The following SLC25A21 variants were observed in gnomAD, a reference collection of about 807,000 sequenced individuals.
SLC25A21 encodes the protein solute carrier family 25 member 21.
In SLC25A21, 47 loss-of-function variants were observed where a neutral mutation model predicts 43.8. The ratio of observed to expected loss-of-function variants is 1.07; its 90% CI spans 0.85 to 1.37. The LOEUF (loss-of-function observed/expected upper bound fraction) is 1.37, where lower values mean the gene tolerates loss of function less well. SLC25A21 is among the 40% of genes most tolerant of loss of function. The pLI is 0.00. For synonymous variants in SLC25A21, 131 were observed against 121.3 expected, an observed-to-expected ratio of 1.08 and a Z score of -0.52; for missense variants, 352 against 350.2, an observed-to-expected ratio of 1.00 and a Z score of -0.04.
At chr14:36,982,444 C>A (rs1346068041) in intron 1 of SLC25A21, among the ~76,000 whole-genome samples, 1 of 152,040 alleles carries the variant, frequency 6.6e-6, no homozygotes, top group East Asian at 1.9e-4. Context: ...GAACAAAGAA[C>A]AAAATTTTAA....
chr14:36,679,719 A>G lies in SLC25A21; in HGVS notation c.*939T>C. Reference sequence around the variant, plus strand: ...ACCTGAAAATGCAGTTCTGTTCTATACATTCTTCCTAAAAATGGCACAGGT... The same window carrying G: ...ACCTGAAAATGCAGTTCTGTTCTATGCATTCTTCCTAAAAATGGCACAGGT... On this transcript the variant is annotated 3_prime_UTR_variant, in exon 10 of 10. Transcript: ENST00000331299. 1.0e-6 allele frequency: 1 copy of G among 985,442 alleles called. No homozygotes were observed. Among genetic ancestry groups the G allele is most frequent in the Non-Finnish European group, 1.2e-6 (1 of 829,920 alleles). The allele number at this position is 985,442 out of a possible 1,614,324, so 61.0% of individuals were successfully genotyped here. A position where few individuals can be genotyped will look rare whatever the true frequency, so the allele number is the denominator to read the frequency against.
chr14:36,926,358 C>CA (rs1293486054), intron 1 of SLC25A21, among the ~76,000 whole-genome samples: 1 of 151,600 alleles, frequency 6.6e-6, no homozygotes. Context: ...TTGGACTAGG[C>CA]AACAATTCTT....
intron 1 of SLC25A21, among the ~76,000 whole-genome samples, chr14:37,022,050 T>C (rs974216447): frequency 1.4e-5 from 2 of 145,750 alleles, no homozygotes; most frequent in African/African-American, 2.5e-5. Flanking sequence ...AGCTGCTTCA[T>C]AGGGATTTTT....
At chr14:37,007,088 TAG>T (rs1301327730) in intron 1 of SLC25A21, among the ~76,000 whole-genome samples, 4 of 152,232 alleles carry the variant, frequency 2.6e-5, no homozygotes, top group Non-Finnish European at 5.9e-5. Context: ...GGATAGATGA[TAG>T]AGACACAGCA....
At chr14:37,072,375 A>G (rs913545757) in intron 1 of SLC25A21, among the ~76,000 whole-genome samples, 1 of 152,190 alleles carries the variant, frequency 6.6e-6, no homozygotes, top group African/African-American at 2.4e-5. Flanking sequence ...GGGAAACTGT[A>G]TCTCTACCAG....
Position 36,678,280 on chromosome 14 carries a change from T to C in SLC25A21, c.*2378A>G. On this transcript the variant is annotated 3_prime_UTR_variant, in exon 10 of 10. Transcript: ENST00000331299. ...AAGCAGATTTCTGACACACAAATTA[T>C]GTTAGAGTGACTGCTTTTTTCAGAC... 1.7e-6 allele frequency: 1 copy of C among 582,870 alleles called. No homozygotes were observed. Among genetic ancestry groups the C allele is most frequent in the Non-Finnish European group, 3.1e-6 (1 of 327,010 alleles). The allele number at this position is 582,870 out of a possible 1,614,324, so 36.1% of individuals were successfully genotyped here. A position where few individuals can be genotyped will look rare whatever the true frequency, so the allele number is the denominator to read the frequency against.
At chr14:36,904,849 T>C (rs2138603203) in intron 1 of SLC25A21, among the ~76,000 whole-genome samples, 1 of 152,248 alleles carries the variant, frequency 6.6e-6, no homozygotes, top group African/African-American at 2.4e-5. Flanking sequence ...GTGAAGATTA[T>C]GGGGATTACA....
At chr14:36,946,432 TTGAC>T (rs1892681148) in intron 1 of SLC25A21, among the ~76,000 whole-genome samples, 1 of 152,154 alleles carries the variant, frequency 6.6e-6, no homozygotes, top group Non-Finnish European at 1.5e-5. Flanking sequence ...TTATATTTGA[TTGAC>T]TATTAATACC....
At chr14:36,932,039 G>C (rs374790445) in intron 1 of SLC25A21, among the ~76,000 whole-genome samples, 2 of 152,058 alleles carry the variant, frequency 1.3e-5, no homozygotes, top group African/African-American at 4.8e-5. Context: ...TGGATTCTCT[G>C]TGTGATCCCA....
At chr14:36,685,408 G>A (rs1882492210) in intron 7 of SLC25A21, among the ~76,000 whole-genome samples, 1 of 152,144 alleles carries the variant, frequency 6.6e-6, no homozygotes, top group African/African-American at 2.4e-5. Flanking sequence ...GCTATTGCCC[G>A]CCAGGTTTTT....
chr14:36,887,489 G>A (rs1419244749), intron 1 of SLC25A21, among the ~76,000 whole-genome samples: 2 of 151,766 alleles, frequency 1.3e-5, no homozygotes, highest in African/African-American at 2.4e-5. Flanking sequence ...CTTAAACCTG[G>A]GAGGCGGATG....
At chr14:36,987,767 A>G (rs1312532264) in intron 1 of SLC25A21, among the ~76,000 whole-genome samples, 2 of 152,168 alleles carry the variant, frequency 1.3e-5, no homozygotes, top group Non-Finnish European at 2.9e-5. Context: ...GTCCACACCA[A>G]TGATTATTTC....
At position 36,678,665 on chromosome 14, in the gene SLC25A21, T is replaced by C. The variant is rs115723019; in HGVS notation, c.*1993A>G. On this transcript the variant is annotated 3_prime_UTR_variant, in exon 10 of 10. Coordinates refer to ENST00000331299, the MANE Select transcript of SLC25A21 (RefSeq NM_030631.4). ...GCTGTTAGGGGGCTTTAAAAAATAT[T>C]ACTTGCTTGTGTGGAAATGCAAATA... 1,269 of 1,253,254 alleles carry C rather than the reference T, an allele frequency of 1.0e-3. 8 individuals carry two copies. The African/African-American group carries it at 0.017, about 17-fold the overall frequency. The allele number at this position is 1,253,254 out of a possible 1,614,324, so 77.6% of individuals were successfully genotyped here.
At chr14:36,913,955 A>G (rs770892604) in intron 1 of SLC25A21, among the ~76,000 whole-genome samples, 5 of 152,226 alleles carry the variant, frequency 3.3e-5, no homozygotes, top group Non-Finnish European at 7.3e-5. Flanking sequence ...GATTGATTAC[A>G]TAGCATAATT....
At chr14:36,772,082 C>T (rs1304909329) in intron 3 of SLC25A21, among the ~76,000 whole-genome samples, 1 of 152,058 alleles carries the variant, frequency 6.6e-6, no homozygotes, top group Non-Finnish European at 1.5e-5. Context: ...TAGATTGTGC[C>T]ACTTCACGGC....
intron 1 of SLC25A21, among the ~76,000 whole-genome samples, chr14:37,064,950 C>T (rs753925791): frequency 6.6e-6 from 1 of 152,188 alleles, no homozygotes; most frequent in Non-Finnish European, 1.5e-5. Context: ...ATGCCAGCTA[C>T]TCTACCAAAC....
chr14:36,996,961 A>C (rs1474753481), intron 1 of SLC25A21, among the ~76,000 whole-genome samples: 2 of 152,200 alleles, frequency 1.3e-5, no homozygotes, highest in African/African-American at 2.4e-5. Flanking sequence ...GTTTGACTTC[A>C]CTAAGGGTAA....
chr14:36,802,425 C>T (rs1346279874), intron 3 of SLC25A21, among the ~76,000 whole-genome samples: 1 of 152,050 alleles, frequency 6.6e-6, no homozygotes, highest in Non-Finnish European at 1.5e-5. Context: ...ATAAAACTAG[C>T]TAACAATCAT....
At chr14:36,683,942 C>T (rs1236165996) in intron 8 of SLC25A21, 62 bp from the exon 9 acceptor site, 6 of 1,299,402 alleles carry the variant, frequency 4.6e-6, no homozygotes, top group Non-Finnish European at 6.5e-6. Flanking sequence ...TGTACCTTAG[C>T]TTTATTGAGA....
Sources: gnomAD v4.1 joint callset for allele counts (sites outside exome capture counted in the v4.1 genomes callset) on GRCh38, gnomAD v4.1.1 for gene constraint, MANE v1.5 for transcripts, NCBI Gene and HGNC (gene_info 2026-07-23, HGNC 2026-07-21) for gene names.